MRC2: variants seen among roughly 807,000 people sequenced by gnomAD.
The protein encoded by MRC2 is C-type mannose receptor 2.
Under a neutral mutation model 206.2 loss-of-function variants are expected in MRC2, and 84 were observed. The ratio of observed to expected loss-of-function variants is 0.41; its 90% CI spans 0.34 to 0.49. MRC2 has a LOEUF of 0.49. Ranked by LOEUF, MRC2 falls within the 20% of genes least tolerant of loss-of-function variation. MRC2 has a pLI of 0.31. For synonymous variants in MRC2, 798 were observed against 800.0 expected, an observed-to-expected ratio of 1.00 and a Z score of 0.04; for missense variants, 1,676 against 2,001.5, an observed-to-expected ratio of 0.84 and a Z score of 3.10.
chr17:62,641,025 A>G (rs1844863679), intron 1 of MRC2, among the ~76,000 whole-genome samples: 1 of 151,152 alleles, frequency 6.6e-6, no homozygotes, highest in African/African-American at 2.4e-5. Flanking sequence ...TTTTTTTTTA[A>G]ATAGAAACAA....
chr17:62,633,408 C>T (rs1448996521), intron 1 of MRC2, among the ~76,000 whole-genome samples: 2 of 148,606 alleles, frequency 1.3e-5, no homozygotes, highest in East Asian at 2.0e-4. Flanking sequence ...GAGGCTGAGG[C>T]AGGGGAATTG....
At chr17:62,691,209 A>G in intron 28 of MRC2, 81 bp downstream of exon 28, 1 of 1,465,448 alleles carries the variant, frequency 6.8e-7, no homozygotes, top group Non-Finnish European at 9.1e-7. Context: ...GCTGCTTCAC[A>G]ACTGCAGGGG....
chr17:62,677,389 T>C lies in MRC2; in HGVS notation c.1955T>C (p.Val652Ala). Residue 652 changes from valine (V) to alanine (A), a missense_variant, in exon 12 of 30, where the codon GTG becomes GCG. By Grantham distance (64) the Val-to-Ala change is moderately conservative. Coordinates refer to ENST00000303375, the MANE Select transcript of MRC2 (RefSeq NM_006039.5). ...YICRQSLGTP[V>A]TPELPGPDPT... ...TGCCGGCAGAGCCTGGGCACTCCAG[T>C]GACGCCGGAGCTGCCGGGGCCAGAT... 6.2e-7 allele frequency: 1 copy of C among 1,610,818 alleles called. No individual in the cohort carries two copies. The highest frequency in any genetic ancestry group is 1.1e-5 in the South Asian group (1 of 90,500).
At position 62,675,022 on chromosome 17, in the gene MRC2, G is replaced by T. The variant is rs1019355007; in HGVS notation, c.1570-768G>T. The stretch of plus-strand genomic sequence containing the variant: ...GCCCCATGGGCGAGGAAGCAGAGGG[G>T]AGAGCAGAGCCCAGCTGCGGAGTCT... On this transcript the variant is annotated intron_variant, in intron 9 of 29. Transcript: ENST00000303375. This position sits in a 1 kb window ranked among gnomAD's most constrained non-coding sequence, Gnocchi z 4.1. Among the ~76,000 whole-genome samples the T allele has an allele frequency of 1.3e-5, 2 of 152,222 alleles. No homozygotes were observed. Among genetic ancestry groups the T allele is most frequent in the Admixed American group, 6.5e-5 (1 of 15,284 alleles).
rs561476628 is a variant in MRC2, at chr17:62,689,070, G to A, written c.3334+110G>A. On this transcript the variant is annotated intron_variant, in intron 23 of 29. Coordinates refer to ENST00000303375, the MANE Select transcript of MRC2 (RefSeq NM_006039.5). ...ATGGTCCCTGGCAGAGCAGGGCTCT[G>A]CTTGGGAAGCAGATGGGCAGAAAGG... 1.1e-5 allele frequency: 10 copies of A among 874,424 alleles called. No homozygotes were observed. In the Admixed American group the frequency reaches 2.3e-4, roughly 20 times the overall value. 54.2% of individuals were successfully genotyped at this position (874,424 alleles called of 1,614,324 possible). A position where few individuals can be genotyped will look rare whatever the true frequency, so the allele number is the denominator to read the frequency against.
Position 62,672,463 on chromosome 17 carries a change from C to T in MRC2, c.1461+311C>T, listed in dbSNP as rs191466423. Among the ~76,000 whole-genome samples, 1 of 152,268 alleles carries T rather than the reference C, an allele frequency of 6.6e-6. No homozygotes were observed. On this transcript the variant is annotated intron_variant, in intron 8 of 29. Coordinates refer to ENST00000303375, the MANE Select transcript of MRC2 (RefSeq NM_006039.5). The surrounding 1 kb of genome is among the most constrained non-coding windows in gnomAD (Gnocchi z 4.5). ...GTGCCTGGCGCATTCTTGGTCTCCT[C>T]CCAGCTGCCCTTCCCTGCCAGAAGG...
chr17:62,663,386 A>G (rs981281454), intron 1 of MRC2, among the ~76,000 whole-genome samples: 1 of 152,114 alleles, frequency 6.6e-6, no homozygotes, highest in Non-Finnish European at 1.5e-5. Context: ...ATTGGGATTT[A>G]GTTTTTTCAC....
chr17:62,685,807 G>C (rs532010837), intron 20 of MRC2, among the ~76,000 whole-genome samples: 4 of 152,192 alleles, frequency 2.6e-5, no homozygotes, highest in Non-Finnish European at 5.9e-5. Context: ...CTTCCAAAGG[G>C]CAGGGATTAC....
intron 1 of MRC2, among the ~76,000 whole-genome samples, chr17:62,628,519 G>A (rs994110814): frequency 6.6e-6 from 1 of 152,216 alleles, no homozygotes; most frequent in African/African-American, 2.4e-5. Context: ...GCCCTGTGAG[G>A]AGGCTCCTGC....
At position 62,672,821 on chromosome 17, in the gene MRC2, A is replaced by C. The variant is rs917359521; in HGVS notation, c.1461+669A>C. Among the ~76,000 whole-genome samples the C allele has an allele frequency of 1.3e-5, 2 of 152,010 alleles. No individual in the cohort carries two copies. Among genetic ancestry groups the C allele is most frequent in the African/African-American group, 4.8e-5 (2 of 41,378 alleles). ...AGCCTGGCCAACATGGTGAAACCCC[A>C]TCTCTACTAAAAATACAAAAATTAG... On this transcript the variant is annotated intron_variant, in intron 8 of 29. Transcript: ENST00000303375. This position sits in a 1 kb window ranked among gnomAD's most constrained non-coding sequence, Gnocchi z 4.5.
At chr17:62,629,134 C>T (rs1568044615) in intron 1 of MRC2, among the ~76,000 whole-genome samples, 1 of 152,240 alleles carries the variant, frequency 6.6e-6, no homozygotes, top group Non-Finnish European at 1.5e-5. Context: ...ACAAACCAGG[C>T]CGGGTAACCC....
intron 1 of MRC2, among the ~76,000 whole-genome samples, chr17:62,642,076 C>T (rs2088412003): frequency 6.6e-6 from 1 of 152,134 alleles, no homozygotes; most frequent in South Asian, 2.1e-4. Context: ...TTTTTTTTCT[C>T]ATATGCAGTC....
At chr17:62,655,230 G>GC (rs1366861100) in intron 1 of MRC2, among the ~76,000 whole-genome samples, 1 of 150,784 alleles carries the variant, frequency 6.6e-6, no homozygotes, top group Non-Finnish European at 1.5e-5. Flanking sequence ...AGCCTGCAGT[G>GC]AGTGGAGATC....
intron 11 of MRC2, 151 bp from the exon 12 acceptor site, chr17:62,677,118 C>G (rs2147478024): frequency 1.5e-6 from 1 of 651,550 alleles, no homozygotes; most frequent in East Asian, 2.8e-5. Context: ...CCCTTCCTCC[C>G]TCCTGGCTCC....
In MRC2 at chr17:62,667,571, C is replaced by T; in HGVS notation, c.1117+38C>T. 3 of 1,572,892 alleles carry T rather than the reference C, an allele frequency of 1.9e-6. No homozygotes were observed. The highest frequency in any genetic ancestry group is 3.9e-4 in the Middle Eastern group (2 of 5,070). ...CTGTGCCGCAGGGTGGGGAGGGGCT[C>T]CCAGGGCCAGGGACACAGCCACAGA... On this transcript the variant is annotated intron_variant, in intron 6 of 29. Transcript: ENST00000303375. The surrounding 1 kb of genome is among the most constrained non-coding windows in gnomAD (Gnocchi z 4.1).
chr17:62,671,826 A>C lies in MRC2; in HGVS notation c.1295A>C (p.Gln432Pro). 6.3e-7 allele frequency: 1 copy of C among 1,597,638 alleles called. No homozygotes were observed. The highest frequency in any genetic ancestry group is 8.6e-7 in the Non-Finnish European group (1 of 1,169,176). The change falls in exon 7 of 30, where the codon CAG (glutamine) becomes CCG (proline). Residue 432 changes from glutamine to proline, a missense_variant. Coordinates refer to ENST00000303375, the MANE Select transcript of MRC2 (RefSeq NM_006039.5). The surrounding 1 kb of genome is among the most constrained non-coding windows in gnomAD (Gnocchi z 4.5). ...SMAELEFITK[Q>P]IKQEVEELWI... is the part of the protein sequence containing the mutation. ...GCGGAGCTGGAATTCATCACCAAGC[A>C]GATCAAGCAAGGTGAGGAGCTGCCC...
chr17:62,666,098 C>T lies in MRC2; in HGVS notation c.525C>T (p.Val175=), dbSNP rs1315186088. The T allele has an allele frequency of 3.1e-6, 5 of 1,588,016 alleles. No individual in the cohort carries two copies. Among genetic ancestry groups the T allele is most frequent in the Non-Finnish European group, 4.3e-6 (5 of 1,166,538 alleles). The change falls in exon 3 of 30, where the codon GTC becomes GTT. Residue 175 remains valine (V), a synonymous_variant. Transcript: ENST00000303375. This position sits in a 1 kb window ranked among gnomAD's most constrained non-coding sequence, Gnocchi z 5.0. ...EDLCALPYHE[V]YTIQGNSHGK... ...GCCCCTGTCCACCCCCTGCAGAGGT[C>T]TACACCATCCAGGGAAACTCCCACG... is the stretch of plus-strand genomic sequence containing the variant.
rs747340932 is a variant in MRC2 at position 62,680,950 on chromosome 17, A to G, written c.2624A>G (p.Asn875Ser). ...GCGGAGCTAGACTTCCTGAGCCACAACTTGCAGAAGGTGGGCATTGGATTG... is the reference window on the plus strand; with the variant it reads ...GCGGAGCTAGACTTCCTGAGCCACAGCTTGCAGAAGGTGGGCATTGGATTG... The part of the protein sequence containing the change: ...SQAELDFLSH[N>S]LQKFSRAQEQ... The change falls in exon 17 of 30, where the codon AAC (asparagine) becomes AGC (serine). Residue 875 changes from asparagine to serine, a missense_variant. Asn to Ser is a conservative substitution (Grantham distance 46, BLOSUM62 1). Transcript: ENST00000303375. The surrounding 1 kb of genome is among the most constrained non-coding windows in gnomAD (Gnocchi z 4.8). 14 of 1,612,856 alleles carry G rather than the reference A, an allele frequency of 8.7e-6. No homozygotes were observed. Among genetic ancestry groups the G allele is most frequent in the African/African-American group, 1.3e-5 (1 of 74,946 alleles).
At chr17:62,677,168 G>T (rs2088903240) in intron 11 of MRC2, 101 bp from the exon 12 acceptor site, 2 of 997,242 alleles carry the variant, frequency 2.0e-6, no homozygotes, top group African/African-American at 3.3e-5. Flanking sequence ...GGCCAAGCTG[G>T]TTCCCAGTGT....
Sources: gnomAD v4.1 joint callset for allele counts (sites outside exome capture counted in the v4.1 genomes callset) on GRCh38, gnomAD v4.1.1 for gene constraint, Gnocchi (gnomAD v3.1) non-coding constraint, MANE v1.5 for transcripts, NCBI Gene and HGNC (gene_info 2026-07-23, HGNC 2026-07-21) for gene names.